Variants in HAT1 observed in about 807,000 individuals in gnomAD.
HAT1 encodes the protein histone acetyltransferase 1.
In HAT1, 20 loss-of-function variants were observed where a neutral mutation model predicts 56.6. The ratio of observed to expected loss-of-function variants is 0.35; its 90% confidence interval spans 0.25 to 0.51. HAT1 has a LOEUF of 0.51. Ranked by LOEUF, HAT1 falls within the 20% of genes least tolerant of loss-of-function variation. The pLI, the probability that HAT1 is intolerant of heterozygous loss-of-function variation, is 0.95. For missense variants in HAT1, 408 were observed against 504.3 expected (o/e 0.81, Z 1.83); for synonymous variants, 146 against 165.5 (o/e 0.88, Z 0.91).
intron 8 of HAT1, among the ~76,000 whole-genome samples, chr2:171,974,210 A>AAAAG (rs1687904937): frequency 2.8e-5 from 2 of 72,722 alleles, no homozygotes; most frequent in African/African-American, 8.0e-5. Flanking sequence ...AGAAAAAGAA[A>AAAAG]AAAAAAAAAA....
intron 2 of HAT1, among the ~76,000 whole-genome samples, chr2:171,936,612 G>A (rs929334666): frequency 6.6e-5 from 10 of 152,196 alleles, no homozygotes; most frequent in Non-Finnish European, 1.5e-4. Context: ...AATAAAGAGT[G>A]TGATGGGATT....
At position 171,959,508 on chromosome 2, in the gene HAT1, C is replaced by A. The variant is rs192457717; in HGVS notation, c.310-5830C>A. ...AATTAGGTTTTTCCATTTAGAAATA[C>A]TGTGTTAGGAATAAGGAATCAATCT... On this transcript the variant is annotated intron_variant, in intron 4 of 10. Coordinates refer to ENST00000264108, the MANE Select transcript of HAT1 (RefSeq NM_003642.4). 2.1e-3 allele frequency among the ~76,000 whole-genome samples: 323 copies of A among 152,278 alleles called. 1 individual carries two copies. Among genetic ancestry groups the A allele is most frequent in the Non-Finnish European group, 3.9e-3 (262 of 68,018 alleles).
intron 4 of HAT1, among the ~76,000 whole-genome samples, chr2:171,959,308 C>T (rs2105330544): frequency 6.6e-6 from 1 of 152,268 alleles, no homozygotes; most frequent in African/African-American, 2.4e-5. Context: ...GATGTTTTTC[C>T]TTGTGTGTAA....
At chr2:171,965,751 T>C (rs764904338) in intron 5 of HAT1, 36 bp from the exon 6 acceptor site, 17 of 1,597,822 alleles carry the variant, frequency 1.1e-5, no homozygotes, top group Non-Finnish European at 1.4e-5. Flanking sequence ...ACCTTTGTGA[T>C]GAGTTTCACC....
At chr2:171,944,882 T>A (rs967480322) in intron 2 of HAT1, among the ~76,000 whole-genome samples, 3 of 152,200 alleles carry the variant, frequency 2.0e-5, no homozygotes, top group African/African-American at 7.2e-5. Flanking sequence ...ATCTTCTTTT[T>A]TCCCCCTGAG....
rs747359397 is a variant in HAT1 at position 171,965,821 on chromosome 2, A to G, written c.524A>G (p.His175Arg). The G allele has an allele frequency of 1.2e-6, 2 of 1,612,996 alleles. No homozygotes were observed. The highest frequency in any genetic ancestry group is 1.7e-6 in the Non-Finnish European group (2 of 1,179,068). The change falls in exon 6 of 11, where the codon CAT becomes CGT. Residue 175 changes from histidine (H) to arginine (R), a missense_variant. Transcript: ENST00000264108. The stretch of plus-strand genomic sequence containing the variant: ...ACATGTAGAGGCTTTCGAGAATATC[A>G]TGAAAGGCTTCAGACCTTTTTGATG... The part of the protein sequence containing the change: ...DMTCRGFREY[H>R]ERLQTFLMWF...
intron 2 of HAT1, among the ~76,000 whole-genome samples, chr2:171,945,795 A>G (rs1003957455): frequency 6.6e-6 from 1 of 152,142 alleles, no homozygotes; most frequent in South Asian, 2.1e-4. Context: ...CAGCCTCCCA[A>G]GTAGCTGGGA....
In HAT1 at chr2:171,960,758, T is replaced by A. The variant is rs1687552632; in HGVS notation, c.310-4580T>A. Reference sequence around the variant, plus strand: ...AACACCTCCTGCTCTGTGCTTGTAATGCCAGCTACTCTGTAGGCTGACTCA... The same window carrying A: ...AACACCTCCTGCTCTGTGCTTGTAAAGCCAGCTACTCTGTAGGCTGACTCA... On this transcript the variant is annotated intron_variant, in intron 4 of 10. Coordinates refer to ENST00000264108, the MANE Select transcript of HAT1 (RefSeq NM_003642.4). Among the ~76,000 whole-genome samples the A allele has an allele frequency of 2.0e-5, 3 of 152,154 alleles. No homozygotes were observed. In the South Asian group the frequency reaches 6.2e-4, roughly 32 times the overall value.
chr2:171,925,619 C>T lies in HAT1; in HGVS notation c.90C>T (p.Asn30=), dbSNP rs1157849119. 1.3e-5 allele frequency: 20 copies of T among 1,515,664 alleles called. No individual in the cohort carries two copies. The highest frequency in any genetic ancestry group is 1.7e-5 in the Non-Finnish European group (19 of 1,090,500). The allele number at this position is 1,515,664 out of a possible 1,614,324, so 93.9% of individuals were successfully genotyped here. ...TGGCAGAGTACAAATGTAACACCAA[C>T]ACAGCAATTGAACTAAAATTAGGTA... ...KKLAEYKCNT[N]TAIELKLVRF... is the part of the protein sequence containing the mutation. Residue 30 remains asparagine, a synonymous_variant, in exon 2 of 11, where the codon AAC becomes AAT. Transcript: ENST00000264108.
chr2:171,976,381 A>C lies in HAT1; in HGVS notation c.975+73A>C, dbSNP rs1687968128. On this transcript the variant is annotated intron_variant, in intron 9 of 10. Coordinates refer to ENST00000264108, the MANE Select transcript of HAT1 (RefSeq NM_003642.4). Reference sequence around the variant, plus strand: ...TTTTGAAGTGTATACCTTAACTAAAATATTATAAAGACATTAAGAATACAT... The same window carrying C: ...TTTTGAAGTGTATACCTTAACTAAACTATTATAAAGACATTAAGAATACAT... 3.8e-6 allele frequency: 3 copies of C among 791,642 alleles called. No individual in the cohort carries two copies. In the Admixed American group the frequency reaches 9.7e-5, roughly 26 times the overall value. The allele number at this position is 791,642 out of a possible 1,614,324, so 49.0% of individuals were successfully genotyped here.
Position 171,945,924 on chromosome 2 carries a change from CCTCCCAGAG to C in HAT1, c.113-783_113-775del, listed in dbSNP as rs1687152215. Among the ~76,000 whole-genome samples, 3 of 152,208 alleles carry C rather than the reference CCTCCCAGAG, an allele frequency of 2.0e-5. No individual in the cohort carries two copies. The South Asian group carries it at 6.2e-4, about 31-fold the overall frequency. On this transcript the variant is annotated intron_variant, in intron 2 of 10. Transcript: ENST00000264108. ...ACCTCAGGTAATCTGCCCACCTCAG[CCTCCCAGAG>C]TGTTGGGATTACAGGCATGAGCCAC...
chr2:171,969,119 A>G (rs972153603), intron 8 of HAT1, among the ~76,000 whole-genome samples: 6 of 152,200 alleles, frequency 3.9e-5, no homozygotes, highest in Admixed American at 1.3e-4. Context: ...GATGTACAGC[A>G]TTTGAATACA....
intron 2 of HAT1, among the ~76,000 whole-genome samples, chr2:171,937,724 A>T (rs1574038919): frequency 1.3e-5 from 2 of 152,262 alleles, no homozygotes; most frequent in East Asian, 3.9e-4. Context: ...GTCATCAGTA[A>T]CTCTGAAATA....
At position 171,946,798 on chromosome 2, in the gene HAT1, A is replaced by G; in HGVS notation, c.188+15A>G. On this transcript the variant is annotated intron_variant, in intron 3 of 10. Coordinates refer to ENST00000264108, the MANE Select transcript of HAT1 (RefSeq NM_003642.4). ...TTTGGGGATGAGTAAGTAACTTAGT[A>G]AAATATTTGTCAAATTAGTATGGAA... 2.5e-6 allele frequency: 3 copies of G among 1,220,804 alleles called. No homozygotes were observed. The highest frequency in any genetic ancestry group is 3.5e-6 in the Non-Finnish European group (3 of 856,770). The allele number at this position is 1,220,804 out of a possible 1,614,324, so 75.6% of individuals were successfully genotyped here.
intron 2 of HAT1, among the ~76,000 whole-genome samples, chr2:171,943,173 G>A (rs541806281): frequency 3.6e-4 from 54 of 150,938 alleles, no homozygotes; most frequent in South Asian, 2.7e-3. Flanking sequence ...AGGCTGAGGC[G>A]GGCAGATCAC....
At chr2:171,957,685 A>G (rs1687481125) in intron 4 of HAT1, among the ~76,000 whole-genome samples, 1 of 152,190 alleles carries the variant, frequency 6.6e-6, no homozygotes, top group African/African-American at 2.4e-5. Flanking sequence ...AGAAAATTAT[A>G]TTTTAGGCTT....
intron 2 of HAT1, among the ~76,000 whole-genome samples, chr2:171,926,600 A>T (rs1020307033): frequency 1.3e-5 from 2 of 152,116 alleles, no homozygotes; most frequent in South Asian, 2.1e-4. Context: ...GCTTATAAAA[A>T]TTTTTTCATA....
At chr2:171,969,611 A>C (rs1215708276) in intron 8 of HAT1, among the ~76,000 whole-genome samples, 1 of 152,202 alleles carries the variant, frequency 6.6e-6, no homozygotes, top group Non-Finnish European at 1.5e-5. Context: ...GTGTCGTTTT[A>C]AGTTCATTTC....
intron 9 of HAT1, among the ~76,000 whole-genome samples, chr2:171,976,582 C>A (rs1191404024): frequency 6.6e-6 from 1 of 152,014 alleles, no homozygotes; most frequent in African/African-American, 2.4e-5. Context: ...GCATAACAAG[C>A]AGAGGAAAGA....
Sources: allele counts gnomAD v4.1 joint callset (sites outside exome capture counted in the v4.1 genomes callset), GRCh38; gene constraint gnomAD v4.1.1; transcripts MANE v1.5; gene names NCBI Gene and HGNC (gene_info 2026-07-23, HGNC 2026-07-21).